The following TNPO1 variants were observed in gnomAD, a reference collection of about 807,000 sequenced individuals.
TNPO1 encodes the protein transportin 1.
Under a neutral mutation model 119.5 loss-of-function variants are expected in TNPO1, and 8 were observed. The observed-to-expected ratio is 0.07, with a 90% CI of 0.04 to 0.12. TNPO1 has a LOEUF of 0.12. TNPO1 is among the 10% of genes least tolerant of loss of function. The probability of loss-of-function intolerance (pLI) is 1.00; values close to 1 mark genes in which losing one functional copy is unlikely to be tolerated. For synonymous variants in TNPO1, 362 were observed against 363.0 expected, an observed-to-expected ratio of 1.00 and a Z score of 0.03; for missense variants, 576 against 1,089.8, an observed-to-expected ratio of 0.53 and a Z score of 6.64.
chr5:72,826,868 G>GAAAGATACATATGAA, intron 1 of TNPO1, among the ~76,000 whole-genome samples: 1 of 152,224 alleles, frequency 6.6e-6, no homozygotes, highest in Middle Eastern at 3.4e-3. Context: ...TAGTTGAAAG[G>GAAAGATACATATGAA]AGCTTGAATT....
chr5:72,892,715 T>G (rs960329353), intron 15 of TNPO1, among the ~76,000 whole-genome samples: 4 of 152,188 alleles, frequency 2.6e-5, no homozygotes, highest in Non-Finnish European at 5.9e-5. Flanking sequence ...TAAATACTTT[T>G]GATTCAAGAT....
chr5:72,854,104 A>G (rs1745802730), intron 3 of TNPO1, among the ~76,000 whole-genome samples: 1 of 152,242 alleles, frequency 6.6e-6, no homozygotes, highest in Non-Finnish European at 1.5e-5. Context: ...AAATAATTAT[A>G]TGGCTGAATT....
intron 22 of TNPO1, among the ~76,000 whole-genome samples, chr5:72,903,106 C>G (rs1001989299): frequency 2.0e-5 from 3 of 152,066 alleles, no homozygotes; most frequent in African/African-American, 7.2e-5. Flanking sequence ...TTATCTTGTT[C>G]TTATAGTCAG....
In TNPO1 at chr5:72,883,569, C is replaced by T. The variant is rs75020388; in HGVS notation, c.1150+337C>T. Among the ~76,000 whole-genome samples, 664 of 152,274 alleles carry T rather than the reference C, an allele frequency of 4.4e-3. 3 individuals carry two copies. Among genetic ancestry groups the T allele is most frequent in the Non-Finnish European group, 6.3e-3 (430 of 68,004 alleles). Reference sequence around the variant, plus strand: ...TCTTTAACTTAGCATAAAGTTTTCACGGTTCATTTTGTAGCATTCACTTGT... The same window carrying T: ...TCTTTAACTTAGCATAAAGTTTTCATGGTTCATTTTGTAGCATTCACTTGT... On this transcript the variant is annotated intron_variant, in intron 11 of 24. Coordinates refer to ENST00000337273, the MANE Select transcript of TNPO1 (RefSeq NM_002270.4).
At chr5:72,862,394 T>C in intron 5 of TNPO1, 1 of 158,358 alleles carries the variant, frequency 6.3e-6, no homozygotes, top group Non-Finnish European at 1.4e-5. Flanking sequence ...AGTGGCACCA[T>C]CATAGCTCAC....
chr5:72,819,725 A>G (rs185242328), intron 1 of TNPO1, among the ~76,000 whole-genome samples: 2 of 152,364 alleles, frequency 1.3e-5, no homozygotes, highest in East Asian at 3.9e-4. Flanking sequence ...AAACTTTTCA[A>G]TGTAGTGTAG....
chr5:72,878,768 T>G, intron 9 of TNPO1: 2 of 278,216 alleles, frequency 7.2e-6, no homozygotes, highest in Non-Finnish European at 1.4e-5. Context: ...GGTCATATAA[T>G]TTTAAATGTC....
intron 8 of TNPO1, 69 bp from the exon 9 acceptor site, chr5:72,877,159 A>T: frequency 1.3e-6 from 1 of 792,046 alleles, no homozygotes; most frequent in Non-Finnish European, 2.0e-6. Flanking sequence ...CTTGCTTGAT[A>T]ATAGGACTGA....
intron 2 of TNPO1, among the ~76,000 whole-genome samples, chr5:72,850,066 T>TG (rs1745429181): frequency 6.6e-6 from 1 of 152,210 alleles, no homozygotes; most frequent in South Asian, 2.1e-4. Context: ...AACTTTCTGT[T>TG]GCTGTGAGAG....
chr5:72,869,261 A>G (rs1747187492), intron 6 of TNPO1, among the ~76,000 whole-genome samples: 1 of 152,124 alleles, frequency 6.6e-6, no homozygotes. Context: ...TTAAAATAAT[A>G]AATGGCAGGG....
At chr5:72,870,477 A>G (rs1406557918) in intron 6 of TNPO1, among the ~76,000 whole-genome samples, 3 of 152,092 alleles carry the variant, frequency 2.0e-5, no homozygotes, top group Non-Finnish European at 4.4e-5. Flanking sequence ...CTTGTTTTTA[A>G]TGAAGTTTTC....
chr5:72,906,209 C>T (rs547062498), intron 24 of TNPO1, among the ~76,000 whole-genome samples: 3 of 145,838 alleles, frequency 2.1e-5, no homozygotes, highest in Non-Finnish European at 4.5e-5. Context: ...GGTTTTGGCC[C>T]ACTGTTTTTG....
chr5:72,851,743 C>T (rs1032363982), intron 3 of TNPO1, among the ~76,000 whole-genome samples: 2 of 152,200 alleles, frequency 1.3e-5, no homozygotes, highest in African/African-American at 4.8e-5. Flanking sequence ...ATTCGCCTGC[C>T]GCAGTCTCCC....
intron 14 of TNPO1, among the ~76,000 whole-genome samples, chr5:72,890,999 G>T (rs1415943612): frequency 6.6e-6 from 1 of 151,936 alleles, no homozygotes; most frequent in African/African-American, 2.4e-5. Flanking sequence ...GACCACAGGC[G>T]TGTACCACCA....
intron 1 of TNPO1, among the ~76,000 whole-genome samples, chr5:72,839,047 A>G (rs1239167502): frequency 1.3e-5 from 2 of 152,198 alleles, no homozygotes; most frequent in Non-Finnish European, 2.9e-5. Flanking sequence ...GGCTTTTAAA[A>G]AGCTTTTTTT....
chr5:72,875,404 T>C (rs773229582), intron 7 of TNPO1, among the ~76,000 whole-genome samples: 2 of 152,364 alleles, frequency 1.3e-5, no homozygotes, highest in African/African-American at 2.4e-5. Context: ...GATTGTACTC[T>C]ATCAGAAAAG....
intron 15 of TNPO1, among the ~76,000 whole-genome samples, chr5:72,892,097 C>CTAT (rs1160575702): frequency 6.6e-6 from 1 of 151,832 alleles, no homozygotes; most frequent in East Asian, 1.9e-4. Flanking sequence ...TATCTACTCT[C>CTAT]TATATAGAGT....
At chr5:72,902,507 GTTT>G (rs968259604) in intron 22 of TNPO1, among the ~76,000 whole-genome samples, 7 of 151,192 alleles carry the variant, frequency 4.6e-5, no homozygotes, top group African/African-American at 1.7e-4. Context: ...CATTTTCTGG[GTTT>G]TTGTTTTTTT....
chr5:72,850,531 AAC>A (rs1745461154), intron 2 of TNPO1, among the ~76,000 whole-genome samples: 1 of 151,928 alleles, frequency 6.6e-6, no homozygotes, highest in Non-Finnish European at 1.5e-5. Context: ...TGTGTAGTAA[AAC>A]ACAATTGGGA....
Sources: gnomAD v4.1 joint callset for allele counts (sites outside exome capture counted in the v4.1 genomes callset) on GRCh38, gnomAD v4.1.1 for gene constraint, MANE v1.5 for transcripts, NCBI Gene and HGNC (gene_info 2026-07-23, HGNC 2026-07-21) for gene names.